Variants in PARD3 observed in about 807,000 individuals in gnomAD.
PARD3 encodes partitioning defective 3 homolog.
PARD3 carries 75 observed loss-of-function variants against 155.4 expected under a neutral mutation model. The observed-to-expected ratio is 0.48, with a 90% CI of 0.40 to 0.58. The LOEUF is 0.58. Ranked by LOEUF, PARD3 falls within the 20% of genes least tolerant of loss-of-function variation. PARD3 has a pLI of 0.00. For missense variants in PARD3, 1,642 were observed against 1,721.7 expected, an observed-to-expected ratio of 0.95 and a Z score of 0.82; for synonymous variants, 576 against 610.5, an observed-to-expected ratio of 0.94 and a Z score of 0.83.
chr10:34,721,444 G>A (rs942056543), intron 1 of PARD3, among the ~76,000 whole-genome samples: 1 of 152,148 alleles, frequency 6.6e-6, no homozygotes, highest in East Asian at 1.9e-4. Flanking sequence ...CTGGGCAGCC[G>A]GCAAGCTGAG....
At chr10:34,496,069 G>A (rs1428778592) in intron 3 of PARD3, among the ~76,000 whole-genome samples, 5 of 151,976 alleles carry the variant, frequency 3.3e-5, no homozygotes, top group African/African-American at 4.8e-5. Flanking sequence ...GGGCATGGTG[G>A]TGTGCGCCTG....
At chr10:34,687,922 A>T (rs2093979541) in intron 2 of PARD3, among the ~76,000 whole-genome samples, 1 of 127,598 alleles carries the variant, frequency 7.8e-6, no homozygotes, top group African/African-American at 3.0e-5. Context: ...CAGCGTGATC[A>T]TGGCTCACTG....
At chr10:34,500,318 T>C (rs1272156655) in intron 3 of PARD3, among the ~76,000 whole-genome samples, 2 of 152,210 alleles carry the variant, frequency 1.3e-5, no homozygotes, top group East Asian at 3.8e-4. Context: ...AGAATGCACT[T>C]TTTCAAAATC....
At chr10:34,530,450 G>C (rs968441887) in intron 2 of PARD3, among the ~76,000 whole-genome samples, 4 of 152,082 alleles carry the variant, frequency 2.6e-5, no homozygotes, top group South Asian at 2.1e-4. Context: ...TCAGGCACTG[G>C]TTCGGAAATA....
chr10:34,410,091 C>A (rs986106014), intron 5 of PARD3, among the ~76,000 whole-genome samples: 5 of 152,098 alleles, frequency 3.3e-5, no homozygotes, highest in African/African-American at 1.2e-4. Context: ...TAAGGGCTAA[C>A]TAGGTGCTCA....
In PARD3 at chr10:34,111,200, G is replaced by T. The variant is rs149278461; in HGVS notation, c.4031C>A (p.Thr1344Asn). ...ATAGAAGGGCCTCCCTTTCTCAGGA[G>T]TCTGAAGTCTGTTCAGCCTCGCAAC... ...SQVARLNRLQ[T>N]PEKGRPFYS Residue 1344 changes from threonine (T) to asparagine (N), a missense_variant, in exon 25 of 25, where the codon ACT becomes AAT. By Grantham distance (65) the Thr-to-Asn change is moderately conservative. Coordinates refer to ENST00000374788, the MANE Select transcript of PARD3 (RefSeq NM_001184785.2). 15 of 1,586,096 alleles carry T rather than the reference G, an allele frequency of 9.5e-6. No individual in the cohort carries two copies. In the African/African-American group the frequency reaches 2.0e-4, roughly 21 times the overall value.
intron 3 of PARD3, among the ~76,000 whole-genome samples, chr10:34,486,061 C>CTA (rs2079446872): frequency 6.6e-6 from 1 of 151,732 alleles, no homozygotes; most frequent in Admixed American, 6.6e-5. Context: ...GCAGCTGGGA[C>CTA]TACAGGTGCG....
At chr10:34,399,584 T>C (rs1027006351) in intron 6 of PARD3, among the ~76,000 whole-genome samples, 171 bp from the exon 7 acceptor site, 3 of 152,196 alleles carry the variant, frequency 2.0e-5, no homozygotes, top group Non-Finnish European at 2.9e-5. Context: ...TTCTGGAATA[T>C]AAGCATGGTG....
rs574279459 is a variant in PARD3, at chr10:34,429,327, C to T, written c.714+20990G>A. ...CAAAGTTACTTCTGTCTAGACACCTCTTTGAATTTAAGCAAAACTTAACCT... is the reference window on the plus strand; with the variant it reads ...CAAAGTTACTTCTGTCTAGACACCTTTTTGAATTTAAGCAAAACTTAACCT... On this transcript the variant is annotated intron_variant, in intron 5 of 24. Coordinates refer to ENST00000374788, the MANE Select transcript of PARD3 (RefSeq NM_001184785.2). Among the ~76,000 whole-genome samples, 97 of 151,890 alleles carry T rather than the reference C, an allele frequency of 6.4e-4. 1 individual carries two copies. The highest frequency in any genetic ancestry group is 6.2e-3 in the South Asian group (30 of 4,820).
intron 2 of PARD3, among the ~76,000 whole-genome samples, chr10:34,619,189 T>C (rs891731211): frequency 2.6e-4 from 40 of 152,010 alleles, no homozygotes; most frequent in Non-Finnish European, 5.1e-4. Context: ...TAGCTGAAAT[T>C]ACAGGCATGC....
chr10:34,314,595 G>T (rs1443954475), intron 20 of PARD3, among the ~76,000 whole-genome samples: 1 of 152,140 alleles, frequency 6.6e-6, no homozygotes, highest in Non-Finnish European at 1.5e-5. Context: ...GCTGGGAGAA[G>T]AACTCTGTTT....
intron 7 of PARD3, among the ~76,000 whole-genome samples, chr10:34,389,451 T>C (rs1842674246): frequency 6.6e-6 from 1 of 152,168 alleles, no homozygotes; most frequent in Non-Finnish European, 1.5e-5. Context: ...CATGTTAACA[T>C]TTTCAATTCT....
Position 34,331,158 on chromosome 10 carries a change from T to C in PARD3, c.2792A>G (p.Asp931Gly), listed in dbSNP as rs141697853. ...ATCATCATCATCTACCGCGGGTTTA[T>C]CATAAGATTTGTCGATGGCAGCTCT... ...SFRAAIDKSY[D>G]KPAVDDDDEG... Residue 931 changes from aspartate (D) to glycine (G), a missense_variant, in exon 19 of 25, where the codon GAT becomes GGT. Physicochemically the swap from Asp to Gly is moderately conservative, Grantham distance 94. Transcript: ENST00000374788. The C allele has an allele frequency of 1.2e-6, 2 of 1,613,916 alleles. No homozygotes were observed. Among genetic ancestry groups the C allele is most frequent in the African/African-American group, 1.3e-5 (1 of 74,908 alleles).
intron 2 of PARD3, among the ~76,000 whole-genome samples, chr10:34,666,561 T>C (rs2093476002): frequency 6.6e-6 from 1 of 151,698 alleles, no homozygotes; most frequent in African/African-American, 2.4e-5. Context: ...CACAAAAGGA[T>C]TCCTCATGTG....
intron 2 of PARD3, among the ~76,000 whole-genome samples, chr10:34,551,187 C>A (rs1263506101): frequency 6.6e-6 from 1 of 152,108 alleles, no homozygotes; most frequent in Non-Finnish European, 1.5e-5. Flanking sequence ...CAAAATTTTG[C>A]ACATCCGTAT....
chr10:34,588,775 C>G (rs919653816), intron 2 of PARD3, among the ~76,000 whole-genome samples: 1 of 152,226 alleles, frequency 6.6e-6, no homozygotes, highest in Non-Finnish European at 1.5e-5. Context: ...CTCTATTCCT[C>G]AAGCTATGGT....
At chr10:34,657,803 T>C (rs2093216579) in intron 2 of PARD3, among the ~76,000 whole-genome samples, 1 of 151,840 alleles carries the variant, frequency 6.6e-6, no homozygotes, top group East Asian at 2.0e-4. Flanking sequence ...CCTCCCAAAG[T>C]GCTGGGATTA....
chr10:34,345,462 C>T (rs979106262), intron 15 of PARD3: 5 of 984,988 alleles, frequency 5.1e-6, no homozygotes, highest in Non-Finnish European at 6.0e-6. Context: ...TGTATCATAG[C>T]AGATCATGAA....
intron 2 of PARD3, among the ~76,000 whole-genome samples, chr10:34,642,048 A>C (rs540314129): frequency 9.4e-4 from 142 of 151,156 alleles, no homozygotes; most frequent in African/African-American, 3.3e-3. Flanking sequence ...CCGGGGGCAC[A>C]TCACCCCTGC....
Sources: gnomAD v4.1 joint callset for allele counts (sites outside exome capture counted in the v4.1 genomes callset) on GRCh38, gnomAD v4.1.1 for gene constraint, MANE v1.5 for transcripts, NCBI Gene and HGNC (gene_info 2026-07-23, HGNC 2026-07-21) for gene names.